Variants in CDYL2 observed in about 807,000 individuals in gnomAD.
CDYL2 encodes the protein chromodomain Y like 2.
Under a neutral mutation model 49.4 loss-of-function variants are expected in CDYL2, and 23 were observed. The ratio of observed to expected loss-of-function variants is 0.47; its 90% CI spans 0.34 to 0.66. CDYL2 has a LOEUF of 0.66. Ranked by LOEUF, CDYL2 falls within the 30% of genes least tolerant of loss-of-function variation. The probability of loss-of-function intolerance (pLI) is 0.01; values close to 1 mark genes in which losing one functional copy is unlikely to be tolerated. For synonymous variants in CDYL2, 360 were observed against 268.8 expected (o/e 1.34, Z -3.32); for missense variants, 678 against 656.4 (o/e 1.03, Z -0.36).
Position 80,764,618 on chromosome 16 carries a change from G to C in CDYL2, c.24+39532C>G, listed in dbSNP as rs1201252549. Among the ~76,000 whole-genome samples the C allele has an allele frequency of 2.0e-5, 3 of 152,070 alleles. No homozygotes were observed. The East Asian group carries it at 5.8e-4, about 29-fold the overall frequency. On this transcript the variant is annotated intron_variant, in intron 1 of 6. Coordinates refer to ENST00000570137, the MANE Select transcript of CDYL2 (RefSeq NM_152342.4). ...ATATAGAGGTGAAAAACATGCTCAGGTATGTTAATAAACTGTCATGAGATA... is the reference window on the plus strand; with the variant it reads ...ATATAGAGGTGAAAAACATGCTCAGCTATGTTAATAAACTGTCATGAGATA...
At chr16:80,762,446 T>G (rs1906564552) in intron 1 of CDYL2, among the ~76,000 whole-genome samples, 2 of 152,140 alleles carry the variant, frequency 1.3e-5, no homozygotes. Context: ...CCAAAAAGCC[T>G]GAACACGGTG....
rs952715071 is a variant in CDYL2 at position 80,602,018 on chromosome 16, A to C, written c.*2370T>G. 20 of 152,166 alleles carry C rather than the reference A, an allele frequency of 1.3e-4. No homozygotes were observed. Among genetic ancestry groups the C allele is most frequent in the Non-Finnish European group, 2.4e-4 (16 of 68,044 alleles). The allele number at this position is 152,166 out of a possible 1,614,324, so 9.4% of individuals were successfully genotyped here. A position where few individuals can be genotyped will look rare whatever the true frequency, so the allele number is the denominator to read the frequency against. On this transcript the variant is annotated 3_prime_UTR_variant, in exon 7 of 7. Transcript: ENST00000570137. ...CCTTCCATGTCCAAGGAGAATCCTG[A>C]CCCCACTTCAACCGATGCTGAATAT...
intron 1 of CDYL2, among the ~76,000 whole-genome samples, chr16:80,716,098 G>T (rs1567582637): frequency 1.3e-5 from 2 of 152,198 alleles, no homozygotes; most frequent in African/African-American, 4.8e-5. Flanking sequence ...TGCAAATCAG[G>T]TAAAAATAAT....
chr16:80,607,789 A>G lies in CDYL2; in HGVS notation c.1362+303T>C, dbSNP rs139340005. 1.4e-4 allele frequency among the ~76,000 whole-genome samples: 21 copies of G among 152,120 alleles called. No individual in the cohort carries two copies. In the East Asian group the frequency reaches 3.7e-3, roughly 27 times the overall value. ...CTTCTCGTTTCTTTGAAAGCTATAG[A>G]TGTTTTGCGTTTTTGTGGTGTTTAG... is the stretch of plus-strand genomic sequence containing the variant. On this transcript the variant is annotated intron_variant, in intron 6 of 6. Transcript: ENST00000570137.
At chr16:80,693,631 A>G (rs1910503574) in intron 1 of CDYL2, among the ~76,000 whole-genome samples, 1 of 152,242 alleles carries the variant, frequency 6.6e-6, no homozygotes, top group Admixed American at 6.5e-5. Context: ...TACTTGGTAC[A>G]GCAACATAAA....
At chr16:80,682,553 C>G (rs973730435) in intron 2 of CDYL2, among the ~76,000 whole-genome samples, 1 of 152,186 alleles carries the variant, frequency 6.6e-6, no homozygotes, top group African/African-American at 2.4e-5. Context: ...AGTCTGGCTT[C>G]TCTCCTTCAC....
upstream of CDYL2, among the ~76,000 whole-genome samples, chr16:80,804,677 G>A (rs1027424401): frequency 2.0e-5 from 3 of 146,710 alleles, no homozygotes; most frequent in Non-Finnish European, 4.6e-5. Context: ...CCGCGCCCCG[G>A]GGGACCGGTC....
chr16:80,667,833 G>A (rs529520637), intron 2 of CDYL2, among the ~76,000 whole-genome samples: 7 of 152,290 alleles, frequency 4.6e-5, no homozygotes, highest in South Asian at 2.1e-4. Context: ...CCCCCAACCC[G>A]TGAGGTATGA....
intron 1 of CDYL2, among the ~76,000 whole-genome samples, chr16:80,712,006 T>G (rs1904616103): frequency 7.1e-6 from 1 of 141,470 alleles, no homozygotes; most frequent in Non-Finnish European, 1.6e-5. Context: ...TATATGTGTG[T>G]ATATATGTGT....
At chr16:80,736,213 T>A (rs999105795) in intron 1 of CDYL2, 1 of 152,216 alleles carries the variant, frequency 6.6e-6, no homozygotes, top group African/African-American at 2.4e-5. Flanking sequence ...ATCAATACAT[T>A]TATAATTCAC....
intron 2 of CDYL2, among the ~76,000 whole-genome samples, chr16:80,676,811 T>C (rs1224332930): frequency 6.6e-6 from 1 of 152,240 alleles, no homozygotes; most frequent in South Asian, 2.1e-4. Flanking sequence ...CTGTTCTCCA[T>C]AATCATTTGG....
At chr16:80,706,714 G>C (rs1904417860) in intron 1 of CDYL2, among the ~76,000 whole-genome samples, 1 of 152,206 alleles carries the variant, frequency 6.6e-6, no homozygotes, top group Admixed American at 6.5e-5. Flanking sequence ...ATTGAGTCCA[G>C]GGACCATAGA....
intron 1 of CDYL2, among the ~76,000 whole-genome samples, chr16:80,721,847 T>G (rs1030943216): frequency 2.0e-5 from 3 of 152,116 alleles, no homozygotes; most frequent in African/African-American, 7.2e-5. Context: ...GTCCCCACAG[T>G]TCCTTTGCCC....
chr16:80,670,619 C>T (rs1480115774), intron 2 of CDYL2, among the ~76,000 whole-genome samples: 2 of 152,182 alleles, frequency 1.3e-5, no homozygotes, highest in Non-Finnish European at 2.9e-5. Context: ...TCTGGCTTCT[C>T]ACCAGGAGGC....
intron 3 of CDYL2, among the ~76,000 whole-genome samples, chr16:80,626,182 C>T (rs961072991): frequency 6.7e-6 from 1 of 148,454 alleles, no homozygotes; most frequent in African/African-American, 2.5e-5. Context: ...CCAGTGGTCC[C>T]AGCTCTTCAG....
chr16:80,642,801 G>A (rs1328801616), intron 2 of CDYL2, among the ~76,000 whole-genome samples: 1 of 152,126 alleles, frequency 6.6e-6, no homozygotes, highest in Non-Finnish European at 1.5e-5. Flanking sequence ...TTGCCCCCAT[G>A]ATTCAAATTA....
chr16:80,764,724 A>C (rs1597122245), intron 1 of CDYL2, among the ~76,000 whole-genome samples: 1 of 152,108 alleles, frequency 6.6e-6, no homozygotes. Context: ...AATAATAATT[A>C]AGTGGGTCTG....
chr16:80,775,891 C>A (rs116573620), intron 1 of CDYL2, among the ~76,000 whole-genome samples: 1,869 of 151,502 alleles, frequency 0.012, 43 homozygotes, highest in African/African-American at 0.043. Context: ...TAAATATCAA[C>A]TTTTGTGCTG....
rs114070889 is a variant in CDYL2, at chr16:80,739,154, T to G, written c.25-54025A>C. ...CACGCTGAATGAAATAAGCCAGTCA[T>G]GAAAAGACTGTATGATTCCACTTAT... is the stretch of plus-strand genomic sequence containing the variant. On this transcript the variant is annotated intron_variant, in intron 1 of 6. Transcript: ENST00000570137. Among the ~76,000 whole-genome samples the G allele has an allele frequency of 3.4e-3, 515 of 152,310 alleles. 3 individuals are homozygous for G. Among genetic ancestry groups the G allele is most frequent in the African/African-American group, 0.011 (477 of 41,564 alleles).
Sources: gnomAD v4.1 joint callset for allele counts (sites outside exome capture counted in the v4.1 genomes callset) on GRCh38, gnomAD v4.1.1 for gene constraint, MANE v1.5 for transcripts, NCBI Gene and HGNC (gene_info 2026-07-23, HGNC 2026-07-21) for gene names.